CEP95: variants seen among roughly 807,000 people sequenced by gnomAD.
CEP95 encodes centrosomal protein of 95 kDa.
A neutral mutation model predicts 111.2 loss-of-function variants in CEP95; 98 were observed. The observed-to-expected ratio is 0.88, with a 90% CI of 0.75 to 1.04. CEP95 has a LOEUF of 1.04. Among genes scored for constraint, CEP95 ranks in the 50% least tolerant of loss-of-function variants. The pLI, the probability that CEP95 is intolerant of heterozygous loss-of-function variation, is 0.00. For missense variants in CEP95, 1,027 were observed against 977.2 expected, an observed-to-expected ratio of 1.05 and a Z score of -0.68; for synonymous variants, 323 against 327.1, an observed-to-expected ratio of 0.99 and a Z score of 0.14.
chr17:64,507,383 G>A (rs1384508899), intron 1 of CEP95: 20 of 1,396,370 alleles, frequency 1.4e-5, no homozygotes, highest in Non-Finnish European at 1.7e-5. Context: ...AAAAAGAGCG[G>A]TCAGAAGGGT....
At position 64,529,405 on chromosome 17, in the gene CEP95, A is replaced by G; in HGVS notation, c.1424A>G (p.Asp475Gly). Reference protein sequence around the residue: ...RKRQRKPRETDVRQFQAQAFT... With the variant: ...RKRQRKPRETGVRQFQAQAFT... ...AGGCAGCGCAAGCCAAGAGAAACAG[A>G]TGTCCGCCAATTCCAAGCACAGGTT... Residue 475 changes from aspartate (D) to glycine (G), a missense_variant, in exon 12 of 20, where the codon GAT (aspartate) becomes GGT (glycine). Physicochemically the swap from Asp to Gly is moderately conservative, Grantham distance 94 (BLOSUM62 -1). Coordinates refer to ENST00000556440, the MANE Select transcript of CEP95 (RefSeq NM_138363.3). The G allele has an allele frequency of 6.2e-7, 1 of 1,613,778 alleles. No homozygotes were observed. Among genetic ancestry groups the G allele is most frequent in the Non-Finnish European group, 8.5e-7 (1 of 1,179,752 alleles).
rs1555681182 is a variant in CEP95 at position 64,534,701 on chromosome 17, T to C, written c.2034T>C (p.Cys678=). 5.6e-6 allele frequency: 9 copies of C among 1,613,030 alleles called. No homozygotes were observed. In the South Asian group the frequency reaches 9.9e-5, roughly 18 times the overall value. The change falls in exon 17 of 20, where the codon TGT becomes TGC. Residue 678 remains cysteine (C), a synonymous_variant. Transcript: ENST00000556440. The part of the protein sequence containing the change: ...KYYDDYRVQL[C]AKMMRMRTRE... ...ATGATGATTATAGAGTTCAGTTGTG[T>C]GCAAAAATGATGAGAATGAGGACCC...
chr17:64,526,251 AT>A, intron 10 of CEP95, 51 bp downstream of exon 10: 1 of 1,512,966 alleles, frequency 6.6e-7, no homozygotes, highest in South Asian at 1.3e-5. Flanking sequence ...TTAAGTGAGC[AT>A]TTAAGTAATC....
In CEP95 at chr17:64,537,322, A is replaced by G. The variant is rs1228278558; in HGVS notation, c.2289+210A>G. ...GCATTTCTTGGAACATATCTCCATCATTAAGTGACACATGACTAATTTACA... is the reference window on the plus strand; with the variant it reads ...GCATTTCTTGGAACATATCTCCATCGTTAAGTGACACATGACTAATTTACA... On this transcript the variant is annotated intron_variant, in intron 19 of 19. Transcript: ENST00000556440. 10 of 1,407,004 alleles carry G rather than the reference A, an allele frequency of 7.1e-6. No homozygotes were observed. The African/African-American group carries it at 1.4e-4, about 20-fold the overall frequency. 87.2% of individuals were successfully genotyped at this position (1,407,004 alleles called of 1,614,324 possible). A position where few individuals can be genotyped will look rare whatever the true frequency, so the allele number is the denominator to read the frequency against.
At chr17:64,533,956 T>TA (rs1356188369) in intron 16 of CEP95, 1 of 152,304 alleles carries the variant, frequency 6.6e-6, no homozygotes, top group East Asian at 1.9e-4. Context: ...CTTAGAGAAT[T>TA]ACGAAGGGAG....
intron 2 of CEP95, 60 bp downstream of exon 2, chr17:64,508,780 C>T (rs2038725720): frequency 2.5e-6 from 2 of 797,120 alleles, no homozygotes; most frequent in South Asian, 4.4e-5. Context: ...GTTTTTAGTC[C>T]TTTAGTTAGA....
At position 64,532,724 on chromosome 17, in the gene CEP95, T is replaced by A. The variant is rs542040429; in HGVS notation, c.1673-115T>A. The A allele has an allele frequency of 1.9e-5, 28 of 1,462,654 alleles. No individual in the cohort carries two copies. In the African/African-American group the frequency reaches 3.9e-4, roughly 20 times the overall value. The allele number at this position is 1,462,654 out of a possible 1,614,324, so 90.6% of individuals were successfully genotyped here. ...CAAATTATTATAAGTACATTTAGAA[T>A]TGTTCTTTTCAGGATCAAAACCACA... On this transcript the variant is annotated intron_variant, in intron 14 of 19. Transcript: ENST00000556440.
Position 64,536,610 on chromosome 17 carries a change from G to C in CEP95, c.2079G>C (p.Lys693Asn). The change falls in exon 18 of 20, where the codon AAG (lysine) becomes AAC (asparagine). Residue 693 changes from lysine (K) to asparagine (N), a missense_variant. Physicochemically the swap from Lys to Asn is moderately conservative, Grantham distance 94 (BLOSUM62 0). Transcript: ENST00000556440. ...GATTAAATAACTGACAGATATTTAA[G>C]AAACTGTTTGAAGAAGGTTTAAACA... ...RMRTREEMIF[K>N]KLFEEGLNIQ... 3.8e-6 allele frequency: 6 copies of C among 1,588,314 alleles called. No individual in the cohort carries two copies. Among genetic ancestry groups the C allele is most frequent in the Non-Finnish European group, 4.3e-6 (5 of 1,171,518 alleles).
chr17:64,530,506 A>AT (rs55675645), intron 12 of CEP95, among the ~76,000 whole-genome samples: 2 of 118,536 alleles, frequency 1.7e-5, no homozygotes, highest in African/African-American at 3.2e-5. Context: ...CCTCTTTTGT[A>AT]TTTTTTTTTT....
At chr17:64,522,002 G>A (rs1363152093) in intron 7 of CEP95, among the ~76,000 whole-genome samples, 1 of 151,918 alleles carries the variant, frequency 6.6e-6, no homozygotes, top group Non-Finnish European at 1.5e-5. Context: ...GATTATAGGC[G>A]CTTGCTACCA....
chr17:64,536,654 G>C lies in CEP95; in HGVS notation c.2123G>C (p.Arg708Pro), dbSNP rs781849740. 1 of 1,611,462 alleles carries C rather than the reference G, an allele frequency of 6.2e-7. No homozygotes were observed. Among genetic ancestry groups the C allele is most frequent in the Non-Finnish European group, 8.5e-7 (1 of 1,178,732 alleles). ...TTAAACATTCAAAAGCAAAGATTAC[G>C]AGACCTAAGAAACTATGCCAAAGAA... ...EGLNIQKQRL[R>P]DLRNYAKEKR... Residue 708 changes from arginine (R) to proline (P), a missense_variant, in exon 18 of 20, where the codon CGA becomes CCA. Coordinates refer to ENST00000556440, the MANE Select transcript of CEP95 (RefSeq NM_138363.3).
At position 64,527,248 on chromosome 17, in the gene CEP95, A is replaced by G. The variant is rs1273627025; in HGVS notation, c.1290A>G (p.Pro430=). ...QHSDGIVEYG[P]KKSRPGLSMR... ...GTGATGGCATCGTGGAGTATGGGCC[A>G]AAGAAGTCAAGGCCAGGTACTTACC... Residue 430 remains proline, a synonymous_variant, in exon 11 of 20, where the codon CCA becomes CCG. Transcript: ENST00000556440. 1.9e-6 allele frequency: 3 copies of G among 1,611,754 alleles called. No individual in the cohort carries two copies. In the African/African-American group the frequency reaches 4.0e-5, roughly 22 times the overall value.
intron 12 of CEP95, among the ~76,000 whole-genome samples, chr17:64,529,663 A>G (rs1405170071): frequency 6.6e-6 from 1 of 152,222 alleles, no homozygotes; most frequent in Non-Finnish European, 1.5e-5. Flanking sequence ...CCAGTAGATT[A>G]AGAAAGAGGA....
intron 3 of CEP95, among the ~76,000 whole-genome samples, chr17:64,513,482 A>AG (rs1555675593): frequency 1.3e-5 from 2 of 152,168 alleles, no homozygotes; most frequent in African/African-American, 4.8e-5. Flanking sequence ...TATATTAAAA[A>AG]TCTGTTACGG....
Position 64,525,759 on chromosome 17 carries a change from G to T in CEP95, c.910-11G>T, listed in dbSNP as rs1555678928. ...GCTTTTTCAAATCAACTTTTTTTCT[G>T]TTTTTAATAGGATCTAGATGATGGA... On this transcript the variant is annotated splice_polypyrimidine_tract_variant and intron_variant, in intron 8 of 19. Transcript: ENST00000556440. The T allele has an allele frequency of 6.4e-7, 1 of 1,566,384 alleles. No individual in the cohort carries two copies. Among genetic ancestry groups the T allele is most frequent in the South Asian group, 1.2e-5 (1 of 85,848 alleles).
At chr17:64,527,870 G>GTATATATA (rs376144614) in intron 11 of CEP95, among the ~76,000 whole-genome samples, 7 of 112,652 alleles carry the variant, frequency 6.2e-5, no homozygotes, top group South Asian at 6.4e-4. Flanking sequence ...GTGTGTGTGT[G>GTATATATA]TATATATATA....
intron 13 of CEP95, 37 bp from the exon 14 acceptor site, chr17:64,531,853 C>G: frequency 7.0e-7 from 1 of 1,420,156 alleles, no homozygotes; most frequent in Non-Finnish European, 9.4e-7. Flanking sequence ...AACTGTTAGA[C>G]CTTTTATTTT....
rs1377542522 is a variant in CEP95 at position 64,537,668 on chromosome 17, C to A, written c.2355C>A (p.Asp785Glu). 4 of 1,613,092 alleles carry A rather than the reference C, an allele frequency of 2.5e-6. No homozygotes were observed. In the African/African-American group the frequency reaches 5.3e-5, roughly 22 times the overall value. Residue 785 changes from aspartate to glutamate, a missense_variant, in exon 20 of 20, where the codon GAC (aspartate) becomes GAA (glutamate). Asp to Glu is a conservative substitution (Grantham distance 45). Coordinates refer to ENST00000556440, the MANE Select transcript of CEP95 (RefSeq NM_138363.3). Reference protein sequence around the residue: ...KMEKEIQQLQDMITQNDDDVF... With the variant: ...KMEKEIQQLQEMITQNDDDVF... ...AGAAGGAAATTCAGCAGCTGCAGGA[C>A]ATGATAACACAGAATGATGATGATG... is the stretch of plus-strand genomic sequence containing the variant.
chr17:64,511,373 C>A, intron 3 of CEP95, among the ~76,000 whole-genome samples: 1 of 152,188 alleles, frequency 6.6e-6, no homozygotes. Flanking sequence ...GCCCGGGGGA[C>A]CGTCTGTAGA....
Sources: gnomAD v4.1 joint callset for allele counts (sites outside exome capture counted in the v4.1 genomes callset) on GRCh38, gnomAD v4.1.1 for gene constraint, MANE v1.5 for transcripts, NCBI Gene and HGNC (gene_info 2026-07-23, HGNC 2026-07-21) for gene names.